Variants in PIGL observed in about 807,000 individuals in gnomAD.
PIGL encodes the protein phosphatidylinositol glycan anchor biosynthesis class L.
PIGL carries 22 observed loss-of-function variants against 31.1 expected under a neutral mutation model. The ratio of observed to expected loss-of-function variants is 0.71; its 90% CI spans 0.51 to 1.01. The LOEUF (loss-of-function observed/expected upper bound fraction) is 1.01, where lower values mean the gene tolerates loss of function less well. Among genes scored for constraint, PIGL ranks in the 50% least tolerant of loss-of-function variants. The probability of loss-of-function intolerance (pLI) is 0.00; values close to 1 mark genes in which losing one functional copy is unlikely to be tolerated. For missense variants in PIGL, 302 were observed against 315.9 expected, an observed-to-expected ratio of 0.96 and a Z score of 0.33; for synonymous variants, 131 against 117.4, an observed-to-expected ratio of 1.12 and a Z score of -0.75.
intron 2 of PIGL, among the ~76,000 whole-genome samples, chr17:16,246,260 C>G (rs1221298985): frequency 1.3e-5 from 2 of 151,534 alleles, no homozygotes; most frequent in Admixed American, 1.3e-4. Flanking sequence ...TGGCTCACAC[C>G]TGTAATCCCA....
intron 1 of PIGL, chr17:16,218,347 C>T (rs1243623817): frequency 6.6e-6 from 1 of 152,064 alleles, no homozygotes; most frequent in African/African-American, 2.4e-5. Flanking sequence ...TTACCAAATA[C>T]TTATTAAACA....
chr17:16,311,481 TGA>T (rs1568840826), intron 3 of PIGL, among the ~76,000 whole-genome samples: 173 of 109,658 alleles, frequency 1.6e-3, no homozygotes, highest in East Asian at 2.3e-3. Context: ...TTTTTTTTTT[TGA>T]TCATTCTTGG....
At chr17:16,304,527 G>A (rs2093018688) in intron 3 of PIGL, among the ~76,000 whole-genome samples, 2 of 152,206 alleles carry the variant, frequency 1.3e-5, no homozygotes. Flanking sequence ...GGAGGCTGAG[G>A]TGGGAGGATC....
chr17:16,247,697 G>C lies in PIGL; in HGVS notation c.335+13627G>C, dbSNP rs183864844. On this transcript the variant is annotated intron_variant, in intron 2 of 6. Coordinates refer to ENST00000225609, the MANE Select transcript of PIGL (RefSeq NM_004278.4). ...TCTTGAAGGACGACGCATGTTTGCA[G>C]CCAGATAGCTCTGTTGTCTGGTCCT... Among the ~76,000 whole-genome samples, 323 of 152,324 alleles carry C rather than the reference G, an allele frequency of 2.1e-3. 1 individual carries two copies. Among genetic ancestry groups the C allele is most frequent in the African/African-American group, 7.4e-3 (309 of 41,570 alleles).
At chr17:16,296,608 T>C (rs1600836853) in intron 2 of PIGL, among the ~76,000 whole-genome samples, 1 of 139,844 alleles carries the variant, frequency 7.2e-6, no homozygotes, top group Non-Finnish European at 1.5e-5. Flanking sequence ...AGACTCCATC[T>C]CAAAAAAAAA....
At chr17:16,224,444 C>T (rs2092642968) in intron 1 of PIGL, among the ~76,000 whole-genome samples, 1 of 151,726 alleles carries the variant, frequency 6.6e-6, no homozygotes, top group Admixed American at 6.6e-5. Flanking sequence ...GTAGCTGGGA[C>T]TACAGGCATG....
chr17:16,317,900 C>G lies in PIGL; in HGVS notation c.652C>G (p.Gln218Glu), dbSNP rs139004722. 3.7e-6 allele frequency: 6 copies of G among 1,612,790 alleles called. No individual in the cohort carries two copies. In the African/African-American group the frequency reaches 8.0e-5, roughly 22 times the overall value. Residue 218 changes from glutamine to glutamate, a missense_variant, in exon 6 of 7, where the codon CAG (glutamine) becomes GAG (glutamate). Physicochemically the swap from Gln to Glu is conservative, Grantham distance 29. Coordinates refer to ENST00000225609, the MANE Select transcript of PIGL (RefSeq NM_004278.4). ...CGTGCTCAACAGCAAAGAAGTGGCA[C>G]AGGCCAAGGTGAGGATTGTAAATTC... ...LFVLNSKEVA[Q>E]AKKAMSCHRS...
intron 3 of PIGL, 42 bp downstream of exon 3, chr17:16,300,020 T>C (rs200163168): frequency 6.8e-7 from 1 of 1,460,642 alleles, no homozygotes; most frequent in South Asian, 1.1e-5. Flanking sequence ...GAGGTCTTGG[T>C]CCCATTCACA....
intron 2 of PIGL, among the ~76,000 whole-genome samples, chr17:16,286,632 C>G (rs936309192): frequency 6.6e-6 from 1 of 152,116 alleles, no homozygotes; most frequent in African/African-American, 2.4e-5. Context: ...AGTTTGGGGC[C>G]TTTTCCAGAG....
At chr17:16,269,476 C>A (rs1358750882) in intron 2 of PIGL, among the ~76,000 whole-genome samples, 2 of 151,894 alleles carry the variant, frequency 1.3e-5, no homozygotes, top group Non-Finnish European at 2.9e-5. Flanking sequence ...GGTGAAACCC[C>A]GTCTCTACTA....
intron 6 of PIGL, among the ~76,000 whole-genome samples, chr17:16,320,885 T>A: frequency 6.6e-6 from 1 of 151,216 alleles, no homozygotes; most frequent in East Asian, 1.9e-4. Flanking sequence ...TCTACCCACC[T>A]CGGCCTCCCA....
chr17:16,310,623 G>A (rs1053830619), intron 3 of PIGL, among the ~76,000 whole-genome samples: 3 of 151,908 alleles, frequency 2.0e-5, no homozygotes, highest in Non-Finnish European at 4.4e-5. Context: ...TGCAATCTCC[G>A]CCTCCTGGGT....
At chr17:16,296,771 C>A (rs575011696) in intron 2 of PIGL, among the ~76,000 whole-genome samples, 2 of 151,864 alleles carry the variant, frequency 1.3e-5, no homozygotes, top group African/African-American at 4.8e-5. Context: ...GGCTGGAGTG[C>A]AGTGGCACGG....
chr17:16,243,706 G>C (rs1220815342), intron 2 of PIGL, among the ~76,000 whole-genome samples: 1 of 152,208 alleles, frequency 6.6e-6, no homozygotes, highest in Non-Finnish European at 1.5e-5. Flanking sequence ...GGGTTCCTTT[G>C]TTTTCAAAGA....
intron 3 of PIGL, 88 bp downstream of exon 3, chr17:16,300,066 T>C: frequency 1.0e-6 from 1 of 963,696 alleles, no homozygotes; most frequent in Non-Finnish European, 1.7e-6. Flanking sequence ...GTGGCCACCC[T>C]CCCACTTCCA....
At chr17:16,315,681 T>C (rs1034460092) in intron 4 of PIGL, among the ~76,000 whole-genome samples, 2 of 150,586 alleles carry the variant, frequency 1.3e-5, no homozygotes, top group Non-Finnish European at 3.0e-5. Flanking sequence ...TTTCAGTCTT[T>C]TCTTTTCTTT....
chr17:16,246,178 C>T (rs2092745929), intron 2 of PIGL, among the ~76,000 whole-genome samples: 1 of 151,676 alleles, frequency 6.6e-6, no homozygotes, highest in Non-Finnish European at 1.5e-5. Context: ...CAGCATCACT[C>T]CCCTACTCGT....
chr17:16,313,303 G>C (rs1487199303), intron 3 of PIGL, among the ~76,000 whole-genome samples: 2 of 152,222 alleles, frequency 1.3e-5, no homozygotes, highest in African/African-American at 4.8e-5. Context: ...TATCATGGCT[G>C]AATTCCACTC....
chr17:16,298,263 G>T (rs2092990804), intron 2 of PIGL, among the ~76,000 whole-genome samples: 1 of 152,152 alleles, frequency 6.6e-6, no homozygotes, highest in Admixed American at 6.6e-5. Context: ...CCGAAAGGGG[G>T]CCAGTTAATG....
Sources: allele counts gnomAD v4.1 joint callset (sites outside exome capture counted in the v4.1 genomes callset), GRCh38; gene constraint gnomAD v4.1.1; transcripts MANE v1.5; gene names NCBI Gene and HGNC (gene_info 2026-07-23, HGNC 2026-07-21).